Variants in COL6A5 observed in about 807,000 individuals in gnomAD.
COL6A5 encodes the protein collagen alpha-5(VI) chain.
Under a neutral mutation model 65.6 loss-of-function variants are expected in COL6A5, and 48 were observed. The observed-to-expected ratio is 0.73, with a 90% CI of 0.58 to 0.93. The LOEUF (loss-of-function observed/expected upper bound fraction) is 0.93, where lower values mean the gene tolerates loss of function less well. Ranked by LOEUF, COL6A5 falls within the 40% of genes least tolerant of loss-of-function variation. COL6A5 has a pLI of 0.00. For missense variants in COL6A5, 914 were observed against 928.3 expected (o/e 0.98, Z 0.20); for synonymous variants, 291 against 322.8 (o/e 0.90, Z 1.05).
intron 5 of COL6A5, among the ~76,000 whole-genome samples, chr3:130,457,067 C>T (rs1405682223): frequency 1.3e-5 from 2 of 151,824 alleles, no homozygotes; most frequent in Non-Finnish European, 1.5e-5. Context: ...TTAGTTAAAA[C>T]TTTTTTTATT....
chr3:130,376,769 A>G, exon 3 of COL6A5: 2 of 1,613,684 alleles, frequency 1.2e-6, no homozygotes, highest in Middle Eastern at 1.7e-4. Flanking sequence ...CATTTTCCCA[A>G]AACATGACAC....
At chr3:130,469,504 T>C in intron 6 of COL6A5, 23 bp downstream of exon 38, 3 of 1,564,254 alleles carry the variant, frequency 1.9e-6, no homozygotes, top group Non-Finnish European at 2.6e-6. Context: ...TTCTCTTTGA[T>C]TGCTTTTGCA....
At chr3:130,377,301 A>G (rs561499340) in intron 3 of COL6A5, among the ~76,000 whole-genome samples, 282 of 152,312 alleles carry the variant, frequency 1.9e-3, no homozygotes, top group Non-Finnish European at 2.9e-3. Context: ...GTGCCTGACA[A>G]TGAGCTGGTG....
At chr3:130,428,724 T>A (rs1173024374), upstream of COL6A5, among the ~76,000 whole-genome samples, 2 of 152,088 alleles carry the variant, frequency 1.3e-5, no homozygotes, top group African/African-American at 2.4e-5. Flanking sequence ...CAAAGGAGGC[T>A]GTGGGTTATG....
At chr3:130,419,058 T>A in intron 25 of COL6A5, 127 bp downstream of exon 25, 1 of 735,998 alleles carries the variant, frequency 1.4e-6, no homozygotes, top group Non-Finnish European at 2.4e-6. Context: ...TAGGAAAATG[T>A]GAGAACATTT....
At chr3:130,410,054 A>C (rs190625267) in exon 19 of COL6A5, 1 of 1,549,450 alleles carries the variant, frequency 6.5e-7, no homozygotes, top group Non-Finnish European at 8.7e-7. Flanking sequence ...AAAGGGCTCC[A>C]AAGGAGAACA....
chr3:130,376,863 G>A, intron 3 of COL6A5, 27 bp downstream of exon 3: 2 of 1,576,906 alleles, frequency 1.3e-6, no homozygotes, highest in Non-Finnish European at 8.6e-7. Context: ...TTGAAGAGGT[G>A]CCTGATCCCC....
chr3:130,446,275 A>G (rs903461141), intron 4 of COL6A5, among the ~76,000 whole-genome samples: 4 of 151,262 alleles, frequency 2.6e-5, no homozygotes, highest in Non-Finnish European at 3.0e-5. Flanking sequence ...GCATCTATCC[A>G]GGTGAGAGGT....
intron 1 of COL6A5, among the ~76,000 whole-genome samples, chr3:130,435,228 T>A (rs1937990463): frequency 6.6e-6 from 1 of 152,172 alleles, no homozygotes; most frequent in Non-Finnish European, 1.5e-5. Context: ...TTTGTTAGGT[T>A]TGTCGAAGAT....
chr3:130,376,868 A>G, intron 3 of COL6A5, 32 bp downstream of exon 3: 1 of 1,569,458 alleles, frequency 6.4e-7, no homozygotes, highest in African/African-American at 1.4e-5. Flanking sequence ...GAGGTGCCTG[A>G]TCCCCAGGTG....
intron 9 of COL6A5, 45 bp from the exon 10 acceptor site, chr3:130,397,985 T>C: frequency 6.5e-7 from 1 of 1,543,000 alleles, no homozygotes; most frequent in East Asian, 2.4e-5. Context: ...CATTCCCCAA[T>C]TATATATTTA....
chr3:130,414,081 A>T (rs1485325826), exon 22 of COL6A5: 2 of 1,550,598 alleles, frequency 1.3e-6, no homozygotes, highest in East Asian at 4.9e-5. Context: ...AGAACCAGGA[A>T]ATCCTGGACC....
chr3:130,373,847 T>A (rs1306447344), intron 2 of COL6A5, 142 bp downstream of exon 2: 2 of 618,402 alleles, frequency 3.2e-6, no homozygotes, highest in African/African-American at 3.8e-5. Context: ...TCAAACAAAC[T>A]TAACTTGTGA....
chr3:130,409,479 G>C, intron 18 of COL6A5, 91 bp downstream of exon 18: 1 of 1,135,464 alleles, frequency 8.8e-7, no homozygotes, highest in Non-Finnish European at 1.2e-6. Context: ...CTACCCTGTA[G>C]GCAAATGGTT....
At chr3:130,362,897 C>A (rs1317174592) in intron 1 of COL6A5, among the ~76,000 whole-genome samples, 3 of 152,136 alleles carry the variant, frequency 2.0e-5, no homozygotes, top group Admixed American at 2.0e-4. Flanking sequence ...TATCCAATTT[C>A]TTTTAATCTA....
At chr3:130,426,837 C>A (rs1937614982), upstream of COL6A5, among the ~76,000 whole-genome samples, 1 of 150,880 alleles carries the variant, frequency 6.6e-6, no homozygotes, top group Admixed American at 6.6e-5. Flanking sequence ...ATGGGGGTGG[C>A]AAAAAATAGT....
Position 130,443,431 on chromosome 3 carries a change from C to A in COL6A5, c.1242-45C>A, listed in dbSNP as rs779806869. The A allele has an allele frequency of 2.4e-5, 33 of 1,355,432 alleles. No individual in the cohort carries two copies. The South Asian group carries it at 3.8e-4, about 16-fold the overall frequency. The allele number at this position is 1,355,432 out of a possible 1,614,324, so 84.0% of individuals were successfully genotyped here. ...GGGATTCTCTTTACCTAGGAAACAT[C>A]ATTTCCAGTTTTAAAATCTAACTAT... is the stretch of plus-strand genomic sequence containing the variant. On this transcript the variant is annotated intron_variant, in intron 3 of 7. Coordinates refer to ENST00000512836, the Ensembl canonical transcript of COL6A5.
At chr3:130,484,714 C>A (rs960004052) in exon 8 of COL6A5, 3 of 398,664 alleles carry the variant, frequency 7.5e-6, no homozygotes, top group Admixed American at 4.4e-5. Context: ...AGCAGCTTTG[C>A]TTTGTGTATA....
intron 4 of COL6A5, among the ~76,000 whole-genome samples, chr3:130,381,793 C>T (rs1936004603): frequency 6.6e-6 from 1 of 152,110 alleles, no homozygotes. Flanking sequence ...AGACCAGCTT[C>T]AATCTAATAC....
Sources: gnomAD v4.1 joint callset for allele counts (sites outside exome capture counted in the v4.1 genomes callset) on GRCh38, gnomAD v4.1.1 for gene constraint, MANE v1.5 for transcripts, NCBI Gene and HGNC (gene_info 2026-07-23, HGNC 2026-07-21) for gene names.